Variants in ASCC3 observed in about 807,000 individuals in gnomAD.
ASCC3 encodes the protein activating signal cointegrator 1 complex subunit 3, also known as ASC-1 complex subunit P200.
A neutral mutation model predicts 256.3 loss-of-function variants in ASCC3; 158 were observed. That is an observed-to-expected ratio of 0.62 (90% confidence interval 0.54 to 0.70). ASCC3 has a LOEUF of 0.70. ASCC3 is among the 30% of genes least tolerant of loss of function. ASCC3 has a pLI of 0.00. For missense variants in ASCC3, 2,259 were observed against 2,626.0 expected, an observed-to-expected ratio of 0.86 and a Z score of 3.05; for synonymous variants, 948 against 883.4, an observed-to-expected ratio of 1.07 and a Z score of -1.30.
In ASCC3 at chr6:100,517,987, T is replaced by C. The variant is rs1774119511; in HGVS notation, c.5927+4A>G. 6.2e-7 allele frequency: 1 copy of C among 1,612,744 alleles called. No individual in the cohort carries two copies. The highest frequency in any genetic ancestry group is 8.5e-7 in the Non-Finnish European group (1 of 1,179,136). The stretch of plus-strand genomic sequence containing the variant: ...ACAATTACATTGAAAAGTAAAACAA[T>C]TACTTGAAAAGGTGAAGATGATGGT... On this transcript the variant is annotated splice_donor_region_variant and intron_variant, in intron 38 of 41. Transcript: ENST00000369162.
At chr6:100,660,361 A>G (rs1443508300) in intron 16 of ASCC3, among the ~76,000 whole-genome samples, 1 of 151,616 alleles carries the variant, frequency 6.6e-6, no homozygotes, top group African/African-American at 2.4e-5. Flanking sequence ...TCTCTGGTAT[A>G]CAGCAGGTCC....
At chr6:100,618,783 C>T (rs1325350773) in intron 30 of ASCC3, among the ~76,000 whole-genome samples, 1 of 152,140 alleles carries the variant, frequency 6.6e-6, no homozygotes, top group Non-Finnish European at 1.5e-5. Context: ...AGAACAGGCA[C>T]TTACTTTGGA....
intron 34 of ASCC3, among the ~76,000 whole-genome samples, chr6:100,592,174 C>A (rs964097153): frequency 6.7e-6 from 1 of 149,558 alleles, no homozygotes; most frequent in Non-Finnish European, 1.5e-5. Context: ...AATGATGTTT[C>A]TGAGATTACA....
intron 13 of ASCC3, among the ~76,000 whole-genome samples, chr6:100,713,284 T>C (rs1053664079): frequency 1.3e-5 from 2 of 152,098 alleles, no homozygotes; most frequent in African/African-American, 4.8e-5. Flanking sequence ...ATGCGGAACC[T>C]AGAATACCTA....
At chr6:100,581,984 T>A (rs1407195788) in intron 36 of ASCC3, among the ~76,000 whole-genome samples, 1 of 152,202 alleles carries the variant, frequency 6.6e-6, no homozygotes, top group Non-Finnish European at 1.5e-5. Flanking sequence ...TTGGTTACTG[T>A]AGCCTTGTAG....
chr6:100,733,290 G>T (rs779188751), intron 10 of ASCC3, among the ~76,000 whole-genome samples: 2 of 152,272 alleles, frequency 1.3e-5, no homozygotes, highest in Admixed American at 6.5e-5. Context: ...TGACCATCTT[G>T]TTCAGTGAAA....
At chr6:100,608,401 ATATATATATACCTTATATATATTT>A (rs1773120997) in intron 30 of ASCC3, among the ~76,000 whole-genome samples, 8 of 18,212 alleles carry the variant, frequency 4.4e-4, no homozygotes, top group South Asian at 9.2e-4. Context: ...TGTATACCTT[ATATATATATACCTTATATATATTT>A]TATATATATA....
chr6:100,688,464 CA>C (rs1459466917), intron 13 of ASCC3, among the ~76,000 whole-genome samples: 2 of 152,070 alleles, frequency 1.3e-5, no homozygotes, highest in African/African-American at 4.8e-5. Context: ...ATACATTTTT[CA>C]TAAAATTTCA....
At chr6:100,621,591 G>A (rs917756157) in intron 30 of ASCC3, among the ~76,000 whole-genome samples, 1 of 152,150 alleles carries the variant, frequency 6.6e-6, no homozygotes, top group South Asian at 2.1e-4. Context: ...AGAAACAATA[G>A]ATGCAGGCAA....
intron 36 of ASCC3, among the ~76,000 whole-genome samples, chr6:100,586,803 A>G (rs1427867951): frequency 1.3e-5 from 2 of 152,220 alleles, no homozygotes; most frequent in African/African-American, 4.8e-5. Flanking sequence ...CAAATCCTGA[A>G]AACCAAAAGA....
chr6:100,782,862 T>G (rs1782511548), intron 8 of ASCC3, among the ~76,000 whole-genome samples: 1 of 152,138 alleles, frequency 6.6e-6, no homozygotes, highest in Admixed American at 6.5e-5. Context: ...TATATTTGCT[T>G]GCAGAAATTC....
At chr6:100,622,803 T>C (rs1021213629) in intron 30 of ASCC3, among the ~76,000 whole-genome samples, 6 of 152,006 alleles carry the variant, frequency 3.9e-5, no homozygotes, top group Admixed American at 6.6e-5. Flanking sequence ...GGATAAAGTT[T>C]TCTGCCGATA....
At chr6:100,653,763 T>G (rs762054224) in intron 17 of ASCC3, among the ~76,000 whole-genome samples, 11 of 152,080 alleles carry the variant, frequency 7.2e-5, no homozygotes, top group Non-Finnish European at 1.3e-4. Flanking sequence ...AAACTATTAC[T>G]TATCTAATAC....
chr6:100,518,494 C>A (rs1774147519), intron 37 of ASCC3, among the ~76,000 whole-genome samples: 1 of 152,080 alleles, frequency 6.6e-6, no homozygotes, highest in Non-Finnish European at 1.5e-5. Flanking sequence ...AGAACATTAG[C>A]AGCTGAATTT....
chr6:100,569,300 C>T (rs950580986), intron 36 of ASCC3, among the ~76,000 whole-genome samples: 2 of 151,908 alleles, frequency 1.3e-5, no homozygotes, highest in African/African-American at 2.4e-5. Flanking sequence ...TATTTCTGGT[C>T]TCTCTATTCT....
chr6:100,640,098 G>A (rs1582615630), intron 24 of ASCC3, among the ~76,000 whole-genome samples: 1 of 152,104 alleles, frequency 6.6e-6, no homozygotes. Flanking sequence ...CTGGGTGAAA[G>A]AGTGAAACTC....
At chr6:100,632,184 A>T (rs1774587158) in intron 25 of ASCC3, among the ~76,000 whole-genome samples, 1 of 27,790 alleles carries the variant, frequency 3.6e-5, no homozygotes, top group Admixed American at 4.6e-4. Context: ...AAACTATCTA[A>T]AAAAAAAAAA....
chr6:100,581,784 T>TACATATGGATCC (rs1771287791), intron 36 of ASCC3, among the ~76,000 whole-genome samples: 1 of 151,574 alleles, frequency 6.6e-6, no homozygotes, highest in Non-Finnish European at 1.5e-5. Context: ...AGGGATCCAG[T>TACATATGGATCC]TTCAGCTTTC....
At chr6:100,863,218 T>C (rs1773311448) in intron 3 of ASCC3, among the ~76,000 whole-genome samples, 1 of 152,230 alleles carries the variant, frequency 6.6e-6, no homozygotes, top group African/African-American at 2.4e-5. Context: ...TACCAGTCAT[T>C]TGTTTCATTT....
Sources: allele counts gnomAD v4.1 joint callset (sites outside exome capture counted in the v4.1 genomes callset), GRCh38; gene constraint gnomAD v4.1.1; transcripts MANE v1.5; gene names NCBI Gene and HGNC (gene_info 2026-07-23, HGNC 2026-07-21).